NIPAL2: variants seen among roughly 807,000 people sequenced by gnomAD.
The protein encoded by NIPAL2 is NIPA like domain containing 2.
Under a neutral mutation model 48.9 loss-of-function variants are expected in NIPAL2, and 43 were observed. That is an observed-to-expected ratio of 0.88 (90% CI 0.69 to 1.13). The LOEUF (loss-of-function observed/expected upper bound fraction) is 1.13. NIPAL2 is among the 50% of genes most tolerant of loss of function. NIPAL2 has a pLI of 0.00. For missense variants in NIPAL2, 446 were observed against 461.4 expected, an observed-to-expected ratio of 0.97 and a Z score of 0.31; for synonymous variants, 167 against 174.6, an observed-to-expected ratio of 0.96 and a Z score of 0.34.
At chr8:98,254,170 T>G (rs917312059) in intron 1 of NIPAL2, 83 bp from the exon 2 acceptor site, 1 of 1,127,522 alleles carries the variant, frequency 8.9e-7, no homozygotes, top group Non-Finnish European at 1.3e-6. Flanking sequence ...GTTCATTCAT[T>G]TGTTCAGTAA....
intron 5 of NIPAL2, chr8:98,217,294 A>G (rs1281763848): frequency 8.5e-5 from 84 of 985,140 alleles, no homozygotes; most frequent in Non-Finnish European, 9.8e-5. Context: ...TGTCTGGGGC[A>G]CGCAAACACA....
chr8:98,290,440 C>T (rs1220211326), intron 1 of NIPAL2, among the ~76,000 whole-genome samples: 1 of 152,136 alleles, frequency 6.6e-6, no homozygotes, highest in East Asian at 1.9e-4. Flanking sequence ...ACAACAAAAT[C>T]CTCCTTCTCA....
intron 1 of NIPAL2, among the ~76,000 whole-genome samples, chr8:98,286,418 C>T (rs1816163828): frequency 6.6e-6 from 1 of 152,154 alleles, no homozygotes; most frequent in African/African-American, 2.4e-5. Flanking sequence ...CAAATGCAAT[C>T]TTCAGTGAGG....
At chr8:98,237,179 C>T (rs932490000) in intron 3 of NIPAL2, among the ~76,000 whole-genome samples, 6 of 152,044 alleles carry the variant, frequency 3.9e-5, no homozygotes, top group Middle Eastern at 3.4e-3. Context: ...TCTCGAGTAG[C>T]TGGGACCACA....
intron 3 of NIPAL2, among the ~76,000 whole-genome samples, chr8:98,244,045 T>C (rs1354435673): frequency 6.6e-6 from 1 of 152,154 alleles, no homozygotes; most frequent in African/African-American, 2.4e-5. Context: ...AAGACAAATC[T>C]AACCCAAAGC....
intron 3 of NIPAL2, among the ~76,000 whole-genome samples, chr8:98,240,864 G>A (rs13271095): frequency 0.37 from 55,552 of 152,096 alleles, 12,317 homozygotes; most frequent in South Asian, 0.52. Context: ...AGAACACCTG[G>A]GTTTGAGTGT....
chr8:98,287,041 A>G (rs959956070), intron 1 of NIPAL2, among the ~76,000 whole-genome samples: 3 of 152,122 alleles, frequency 2.0e-5, no homozygotes, highest in African/African-American at 7.2e-5. Context: ...CTATTGGAAC[A>G]TAGGATGGGG....
rs375681654 is a variant in NIPAL2, at chr8:98,194,140, A to G, written c.1039+588T>C. 5.2e-4 allele frequency among the ~76,000 whole-genome samples: 79 copies of G among 152,242 alleles called. 1 individual carries two copies. In the South Asian group the frequency reaches 0.015, roughly 29 times the overall value. On this transcript the variant is annotated intron_variant, in intron 10 of 10. Coordinates refer to ENST00000430223, the MANE Select transcript of NIPAL2 (RefSeq NM_001321635.2). ...AGTGCTGAGGGCGGGTGGACAGGGG[A>G]AGAGGTGACACAGCAGACAGTTTCC... is the stretch of plus-strand genomic sequence containing the variant.
At chr8:98,232,227 A>G (rs1285443819) in intron 4 of NIPAL2, among the ~76,000 whole-genome samples, 1 of 152,262 alleles carries the variant, frequency 6.6e-6, no homozygotes, top group East Asian at 1.9e-4. Flanking sequence ...AGGTGACTAA[A>G]TCCTTTTTTC....
intron 3 of NIPAL2, among the ~76,000 whole-genome samples, chr8:98,248,988 C>A (rs921711399): frequency 1.3e-5 from 2 of 152,152 alleles, no homozygotes; most frequent in Non-Finnish European, 2.9e-5. Context: ...GAGTCTCTAG[C>A]ACAATGTGAC....
intron 5 of NIPAL2, chr8:98,217,347 A>AG (rs201338072): frequency 0.7 from 680,762 of 971,178 alleles, 241,876 homozygotes; most frequent in South Asian, 0.77. Context: ...CCGCACTATT[A>AG]TGATTCCTTT....
chr8:98,266,985 A>AT (rs2130868150), intron 1 of NIPAL2, among the ~76,000 whole-genome samples: 1 of 151,864 alleles, frequency 6.6e-6, no homozygotes, highest in South Asian at 2.1e-4. Context: ...AAAAAAAAAA[A>AT]CTGCCAACCT....
chr8:98,257,564 T>C (rs189728175), intron 1 of NIPAL2, among the ~76,000 whole-genome samples: 6 of 152,198 alleles, frequency 3.9e-5, no homozygotes, highest in Non-Finnish European at 8.8e-5. Flanking sequence ...GCCTATTTCT[T>C]TGACATATTT....
At chr8:98,261,753 G>A (rs1380346785) in intron 1 of NIPAL2, among the ~76,000 whole-genome samples, 5 of 149,570 alleles carry the variant, frequency 3.3e-5, no homozygotes, top group Non-Finnish European at 7.4e-5. Context: ...GCAGGCCAAC[G>A]TTCAGATTCA....
In NIPAL2 at chr8:98,195,803, AAT is replaced by A; in HGVS notation, c.944+137_944+138del. 2.5e-5 allele frequency: 15 copies of A among 597,578 alleles called. No homozygotes were observed. In the South Asian group the frequency reaches 2.8e-4, roughly 11 times the overall value. The allele number at this position is 597,578 out of a possible 1,614,324, so 37.0% of individuals were successfully genotyped here. On this transcript the variant is annotated intron_variant, in intron 9 of 10. Transcript: ENST00000430223. ...CCCTGTTTAGGGCCTTAAGTTAAAA[AAT>A]ATGTTTCTTTTAGGAGCTCAGGAAA...
intron 1 of NIPAL2, among the ~76,000 whole-genome samples, chr8:98,271,528 A>AT (rs965594625): frequency 6.6e-5 from 10 of 151,790 alleles, no homozygotes; most frequent in African/African-American, 2.2e-4. Flanking sequence ...AAATGCTATG[A>AT]TTTTTTGTGA....
chr8:98,233,119 G>A (rs1332451682), intron 4 of NIPAL2, among the ~76,000 whole-genome samples: 19 of 152,032 alleles, frequency 1.2e-4, no homozygotes, highest in Admixed American at 1.1e-3. Context: ...TTAGCTGGGC[G>A]TGGTGGTGTA....
intron 5 of NIPAL2, among the ~76,000 whole-genome samples, chr8:98,218,345 G>C (rs2130741379): frequency 6.6e-6 from 1 of 152,300 alleles, no homozygotes; most frequent in South Asian, 2.1e-4. Context: ...ACAGAGATTA[G>C]AACTCCTTCT....
At chr8:98,222,916 G>A (rs908415109) in intron 4 of NIPAL2, among the ~76,000 whole-genome samples, 3 of 152,190 alleles carry the variant, frequency 2.0e-5, no homozygotes, top group Non-Finnish European at 2.9e-5. Flanking sequence ...CTACGAAGAC[G>A]TGAAAACACC....
Sources: allele counts gnomAD v4.1 joint callset (sites outside exome capture counted in the v4.1 genomes callset), GRCh38; gene constraint gnomAD v4.1.1; transcripts MANE v1.5; gene names NCBI Gene and HGNC (gene_info 2026-07-23, HGNC 2026-07-21).